The following RNFT2 variants were observed in gnomAD, a reference collection of about 807,000 sequenced individuals.
The protein encoded by RNFT2 is ring finger protein, transmembrane 2.
A neutral mutation model predicts 53.0 loss-of-function variants in RNFT2; 36 were observed. The observed-to-expected ratio is 0.68, with a 90% CI of 0.52 to 0.90. The LOEUF is 0.90. Among genes scored for constraint, RNFT2 ranks in the 40% least tolerant of loss-of-function variants. The pLI is 0.00. For missense variants in RNFT2, 514 were observed against 585.6 expected (o/e 0.88, Z 1.26); for synonymous variants, 260 against 253.2 (o/e 1.03, Z -0.26).
chr12:116,739,356 C>T lies in RNFT2; in HGVS notation c.-154+986C>T, dbSNP rs150338944. Among the ~76,000 whole-genome samples, 37 of 152,244 alleles carry T rather than the reference C, an allele frequency of 2.4e-4. 1 individual carries two copies. Among genetic ancestry groups the T allele is most frequent in the African/African-American group, 8.4e-4 (35 of 41,562 alleles). On this transcript the variant is annotated intron_variant, in intron 1 of 10. Transcript: ENST00000257575. ...ATTCATTGAGTAAATACTTGTTGAG[C>T]GCCACTCTGTGCCAAACAGTGTCCT...
intron 10 of RNFT2, among the ~76,000 whole-genome samples, chr12:116,838,707 A>G (rs1877101543): frequency 6.6e-6 from 1 of 152,224 alleles, no homozygotes; most frequent in Admixed American, 6.5e-5. Context: ...AGCAGGGACA[A>G]TTTGAACATG....
At chr12:116,776,100 CAATAA>C (rs1873419220) in intron 6 of RNFT2, among the ~76,000 whole-genome samples, 1 of 151,650 alleles carries the variant, frequency 6.6e-6, no homozygotes, top group African/African-American at 2.4e-5. Context: ...GCAAAACTGA[CAATAA>C]AATATATCAG....
rs181890331 is a variant in RNFT2 at position 116,768,943 on chromosome 12, C to T, written c.728+2029C>T. 6.6e-5 allele frequency among the ~76,000 whole-genome samples: 10 copies of T among 152,148 alleles called. No individual in the cohort carries two copies. In the East Asian group the frequency reaches 1.9e-3, roughly 30 times the overall value. The stretch of plus-strand genomic sequence containing the variant: ...AAAGTGTTTTGCCATATTGGCCAGG[C>T]TGGTCTCAAACTCCTGATCTCAGGT... On this transcript the variant is annotated intron_variant, in intron 6 of 10. Transcript: ENST00000257575.
intron 5 of RNFT2, among the ~76,000 whole-genome samples, chr12:116,765,247 A>G (rs543750818): frequency 6.6e-6 from 1 of 152,172 alleles, no homozygotes; most frequent in East Asian, 1.9e-4. Flanking sequence ...ACTGGAATCT[A>G]TTATTCATTG....
intron 7 of RNFT2, among the ~76,000 whole-genome samples, chr12:116,831,753 A>G (rs559887702): frequency 6.6e-6 from 1 of 152,134 alleles, no homozygotes; most frequent in Non-Finnish European, 1.5e-5. Flanking sequence ...TAAACTGCAC[A>G]TGTTAGGAGT....
In RNFT2 at chr12:116,749,755, T is replaced by C. The variant is rs572738465; in HGVS notation, c.84-86T>C. 1.3e-5 allele frequency: 15 copies of C among 1,177,702 alleles called. No individual in the cohort carries two copies. In the African/African-American group the frequency reaches 1.4e-4, roughly 11 times the overall value. The allele number at this position is 1,177,702 out of a possible 1,614,324, so 73.0% of individuals were successfully genotyped here. On this transcript the variant is annotated intron_variant, in intron 3 of 10. Coordinates refer to ENST00000257575, the MANE Select transcript of RNFT2 (RefSeq NM_001382266.1). The stretch of plus-strand genomic sequence containing the variant: ...GACACAGCTCAACCCATAACATAAT[T>C]GATATTATTAGTCCCCATCCTCCTC...
intron 3 of RNFT2, among the ~76,000 whole-genome samples, chr12:116,746,192 G>A (rs1053929817): frequency 2.2e-4 from 34 of 152,044 alleles, no homozygotes; most frequent in African/African-American, 7.0e-4. Context: ...AGCCGAGATC[G>A]CGCCACTGCA....
chr12:116,764,065 T>A (rs1202117442), intron 5 of RNFT2, among the ~76,000 whole-genome samples: 3 of 152,206 alleles, frequency 2.0e-5, no homozygotes, highest in Non-Finnish European at 4.4e-5. Context: ...CTGGATGGGA[T>A]TGGAGACTAT....
At chr12:116,816,046 T>C (rs1481535551) in intron 7 of RNFT2, among the ~76,000 whole-genome samples, 2 of 152,224 alleles carry the variant, frequency 1.3e-5, no homozygotes, top group African/African-American at 4.8e-5. Flanking sequence ...AGAGCATTTG[T>C]GCTTAAGACT....
intron 3 of RNFT2, among the ~76,000 whole-genome samples, chr12:116,747,021 T>TA (rs1387103515): frequency 6.6e-6 from 1 of 152,218 alleles, no homozygotes; most frequent in African/African-American, 2.4e-5. Flanking sequence ...AATCCTTAAA[T>TA]ACAGATGCTG....
At chr12:116,848,356 T>G (rs1000927668) in intron 10 of RNFT2, among the ~76,000 whole-genome samples, 1 of 152,186 alleles carries the variant, frequency 6.6e-6, no homozygotes, top group Non-Finnish European at 1.5e-5. Flanking sequence ...GCCTTTCCTC[T>G]TGACCCTTGT....
At chr12:116,803,896 T>A (rs1289494561) in intron 7 of RNFT2, among the ~76,000 whole-genome samples, 1 of 152,186 alleles carries the variant, frequency 6.6e-6, no homozygotes, top group Non-Finnish European at 1.5e-5. Flanking sequence ...TGCAGAACAC[T>A]TCCACCCACA....
At chr12:116,782,094 A>AAAAAAAAAAAAAAAAAAAAAAAAAG (rs56234630) in intron 7 of RNFT2, 1 of 149,104 alleles carries the variant, frequency 6.7e-6, no homozygotes, top group African/African-American at 2.5e-5. Context: ...AAAAAAAAAA[A>AAAAAAAAAAAAAAAAAAAAAAAAAG]TGTGGACATC....
chr12:116,791,705 G>A (rs965446175), intron 7 of RNFT2, among the ~76,000 whole-genome samples: 1 of 152,168 alleles, frequency 6.6e-6, no homozygotes, highest in African/African-American at 2.4e-5. Flanking sequence ...GGCTGTTTTT[G>A]CTTTTTGGCT....
At chr12:116,830,917 AAAAG>A (rs1207914353) in intron 7 of RNFT2, among the ~76,000 whole-genome samples, 4 of 152,130 alleles carry the variant, frequency 2.6e-5, no homozygotes, top group African/African-American at 4.8e-5. Context: ...CAAAAAAAAA[AAAAG>A]AGAGAGAGAG....
At chr12:116,742,072 G>A (rs948015115) in intron 3 of RNFT2, among the ~76,000 whole-genome samples, 5 of 152,192 alleles carry the variant, frequency 3.3e-5, no homozygotes, top group African/African-American at 1.2e-4. Context: ...TCAAGATGAA[G>A]GGGCATACTA....
At chr12:116,848,720 G>A (rs1199924100) in intron 10 of RNFT2, among the ~76,000 whole-genome samples, 1 of 152,110 alleles carries the variant, frequency 6.6e-6, no homozygotes, top group Non-Finnish European at 1.5e-5. Context: ...TGTCCTGCAA[G>A]TTTTACCCAA....
intron 7 of RNFT2, among the ~76,000 whole-genome samples, chr12:116,798,695 A>G (rs990452765): frequency 6.6e-6 from 1 of 152,052 alleles, no homozygotes; most frequent in Non-Finnish European, 1.5e-5. Context: ...CAGCCTCCTG[A>G]ATCTGGGACC....
At chr12:116,768,390 C>T (rs1299192588) in intron 6 of RNFT2, among the ~76,000 whole-genome samples, 5 of 152,038 alleles carry the variant, frequency 3.3e-5, no homozygotes, top group African/African-American at 7.2e-5. Flanking sequence ...CATGAGCCAC[C>T]GCACCCAGCC....
Sources: allele counts gnomAD v4.1 joint callset (sites outside exome capture counted in the v4.1 genomes callset), GRCh38; gene constraint gnomAD v4.1.1; transcripts MANE v1.5; gene names NCBI Gene and HGNC (gene_info 2026-07-23, HGNC 2026-07-21).